The following MCC variants were observed in gnomAD, a reference collection of about 807,000 sequenced individuals.
The protein encoded by MCC is MCC regulator of Wnt signaling pathway, also known as colorectal mutant cancer protein.
In MCC, 90 loss-of-function variants were observed where a neutral mutation model predicts 116.2. That is an observed-to-expected ratio of 0.77 (90% CI 0.65 to 0.92). MCC has a LOEUF of 0.92. Among genes scored for constraint, MCC ranks in the 40% least tolerant of loss-of-function variants. The pLI is 0.00. For synonymous variants in MCC, 578 were observed against 510.5 expected, an observed-to-expected ratio of 1.13 and a Z score of -1.78; for missense variants, 1,516 against 1,312.2, an observed-to-expected ratio of 1.16 and a Z score of -2.40.
At chr5:113,241,838 A>G (rs181585055) in intron 3 of MCC, among the ~76,000 whole-genome samples, 43 of 152,360 alleles carry the variant, frequency 2.8e-4, no homozygotes, top group African/African-American at 1.0e-3. Context: ...TTCTCTGGAA[A>G]AACTGCAAAG....
intron 7 of MCC, among the ~76,000 whole-genome samples, chr5:113,103,487 T>A (rs1399810167): frequency 6.6e-6 from 1 of 152,226 alleles, no homozygotes; most frequent in African/African-American, 2.4e-5. Context: ...CAACTACATA[T>A]TTGCAATTGA....
chr5:113,168,582 G>A (rs902189013), intron 3 of MCC, among the ~76,000 whole-genome samples: 4 of 152,258 alleles, frequency 2.6e-5, no homozygotes, highest in Middle Eastern at 3.4e-3. Context: ...TACAAAGCAG[G>A]CTCTTTCTAT....
Position 113,122,607 on chromosome 5 carries a change from C to A in MCC, c.1027+77G>T, listed in dbSNP as rs563608818. The A allele has an allele frequency of 3.9e-6, 6 of 1,540,678 alleles. No individual in the cohort carries two copies. In the African/African-American group the frequency reaches 8.2e-5, roughly 21 times the overall value. On this transcript the variant is annotated intron_variant, in intron 6 of 18. Coordinates refer to ENST00000408903, the MANE Select transcript of MCC (RefSeq NM_001085377.2). Reference sequence around the variant, plus strand: ...TTGAAAAATTAAATTTTAATTCAGGCTGCCTCACATTTCTAAAATTTCTAT... The same window carrying A: ...TTGAAAAATTAAATTTTAATTCAGGATGCCTCACATTTCTAAAATTTCTAT...
In MCC at chr5:113,022,614, A is replaced by G. The variant is rs946288766; in HGVS notation, c.*4688T>C. Reference sequence around the variant, plus strand: ...ACTTGCCATTCCTGACATGAGCACTATAAGTGAATACTATGAGTTCTACAA... The same window carrying G: ...ACTTGCCATTCCTGACATGAGCACTGTAAGTGAATACTATGAGTTCTACAA... On this transcript the variant is annotated 3_prime_UTR_variant, in exon 19 of 19. Coordinates refer to ENST00000408903, the MANE Select transcript of MCC (RefSeq NM_001085377.2). 2 of 152,264 alleles carry G rather than the reference A, an allele frequency of 1.3e-5. No individual in the cohort carries two copies. The highest frequency in any genetic ancestry group is 1.5e-5 in the Non-Finnish European group (1 of 68,034). 9.4% of individuals were successfully genotyped at this position (152,264 alleles called of 1,614,324 possible).
intron 2 of MCC, among the ~76,000 whole-genome samples, chr5:113,351,084 G>A (rs903737442): frequency 6.6e-6 from 1 of 152,078 alleles, no homozygotes; most frequent in African/African-American, 2.4e-5. Context: ...TACACTGTTG[G>A]TGGGAATGTA....
intron 1 of MCC, among the ~76,000 whole-genome samples, chr5:113,414,224 C>T (rs1770078285): frequency 6.6e-6 from 1 of 152,154 alleles, no homozygotes; most frequent in Non-Finnish European, 1.5e-5. Context: ...CGATTTGGTG[C>T]TGAGAAGGAT....
chr5:113,143,240 G>C lies in MCC; in HGVS notation c.862C>G (p.Arg288Gly). The C allele has an allele frequency of 1.9e-6, 3 of 1,608,282 alleles. No homozygotes were observed. Among genetic ancestry groups the C allele is most frequent in the Non-Finnish European group, 2.5e-6 (3 of 1,177,896 alleles). The change falls in exon 5 of 19, where the codon CGT (arginine) becomes GGT (glycine). Residue 288 changes from arginine (R) to glycine (G), a missense_variant. Coordinates refer to ENST00000408903, the MANE Select transcript of MCC (RefSeq NM_001085377.2). ...VIAELNKKID[R>G]LQGTTIREED... ...TACCTGATGGTGGTGCCTTGCAGAC[G>C]GTCTATCTTCTTGTTGAGCTCCGCA...
chr5:113,231,509 G>A (rs1304852232), intron 3 of MCC, among the ~76,000 whole-genome samples: 3 of 151,754 alleles, frequency 2.0e-5, no homozygotes, highest in Non-Finnish European at 4.4e-5. Context: ...ATGACCACAG[G>A]ACATGGGTGA....
chr5:113,108,986 G>C (rs985744165), intron 6 of MCC, among the ~76,000 whole-genome samples: 1 of 152,120 alleles, frequency 6.6e-6, no homozygotes, highest in African/African-American at 2.4e-5. Flanking sequence ...AGACTGGGCC[G>C]CCTGGAGCAG....
chr5:113,169,248 T>C (rs368276176), intron 3 of MCC, among the ~76,000 whole-genome samples: 214 of 152,202 alleles, frequency 1.4e-3, no homozygotes, highest in Non-Finnish European at 2.2e-3. Flanking sequence ...GCTGTATACA[T>C]GGAGATAACC....
intron 3 of MCC, among the ~76,000 whole-genome samples, chr5:113,266,097 G>C (rs1258142297): frequency 1.3e-5 from 2 of 152,080 alleles, no homozygotes; most frequent in Non-Finnish European, 2.9e-5. Context: ...AAAATCCTAG[G>C]TCTTATGCCA....
intron 3 of MCC, among the ~76,000 whole-genome samples, chr5:113,251,623 G>A (rs181588869): frequency 6.6e-6 from 1 of 152,334 alleles, no homozygotes; most frequent in East Asian, 1.9e-4. Context: ...TTACCACAGT[G>A]AGGAAGACTG....
At chr5:113,038,109 G>A (rs554781057) in intron 17 of MCC, among the ~76,000 whole-genome samples, 115 of 152,306 alleles carry the variant, frequency 7.6e-4, no homozygotes, top group African/African-American at 2.6e-3. Flanking sequence ...ACCTGCTGAC[G>A]AGAGGTAGGG....
intron 6 of MCC, among the ~76,000 whole-genome samples, chr5:113,109,716 T>C (rs139994237): frequency 0.011 from 1,658 of 152,286 alleles, 13 homozygotes; most frequent in Middle Eastern, 0.02. Flanking sequence ...TAGGCTGATA[T>C]GAAACAGAAA....
At chr5:113,480,694 A>T (rs1772356694) in intron 1 of MCC, among the ~76,000 whole-genome samples, 3 of 152,254 alleles carry the variant, frequency 2.0e-5, no homozygotes, top group South Asian at 4.1e-4. Context: ...AAATATTTTG[A>T]TGTCACAGAG....
Position 113,054,567 on chromosome 5 carries a change from G to A in MCC, c.2214-608C>T, listed in dbSNP as rs145673041. Among the ~76,000 whole-genome samples the A allele has an allele frequency of 1.9e-3, 291 of 152,282 alleles. 2 individuals carry two copies. The highest frequency in any genetic ancestry group is 6.8e-3 in the African/African-American group (281 of 41,552). ...GCAGCCGTCCCTGCGGAGCAGCACC[G>A]AAGGGGGCTGTTTTGCTGTGTTTAC... On this transcript the variant is annotated intron_variant, in intron 14 of 18. Coordinates refer to ENST00000408903, the MANE Select transcript of MCC (RefSeq NM_001085377.2).
In MCC at chr5:113,384,817, T is replaced by C. The variant is rs529152243; in HGVS notation, c.415+151A>G. On this transcript the variant is annotated intron_variant, in intron 2 of 18. Coordinates refer to ENST00000408903, the MANE Select transcript of MCC (RefSeq NM_001085377.2). ...CATCAGACAGAACTGGGGGAAACAG[T>C]GAGCACTCCCCCAGGGAAAGTGTGG... 108 of 783,356 alleles carry C rather than the reference T, an allele frequency of 1.4e-4. No homozygotes were observed. In the Middle Eastern group the frequency reaches 1.5e-3, roughly 11 times the overall value. The allele number at this position is 783,356 out of a possible 1,614,324, so 48.5% of individuals were successfully genotyped here.
intron 1 of MCC, among the ~76,000 whole-genome samples, chr5:113,405,542 A>G (rs571222541): frequency 3.0e-4 from 45 of 152,138 alleles, no homozygotes; most frequent in African/African-American, 1.0e-3. Context: ...TAATCCCAGC[A>G]CTTTGGGAGG....
At chr5:113,365,134 T>C (rs1440680221) in intron 2 of MCC, among the ~76,000 whole-genome samples, 3 of 152,230 alleles carry the variant, frequency 2.0e-5, no homozygotes, top group African/African-American at 7.2e-5. Context: ...CTGCAAATTT[T>C]CCAAACTTTT....
Sources: gnomAD v4.1 joint callset for allele counts (sites outside exome capture counted in the v4.1 genomes callset) on GRCh38, gnomAD v4.1.1 for gene constraint, MANE v1.5 for transcripts, NCBI Gene and HGNC (gene_info 2026-07-23, HGNC 2026-07-21) for gene names.